RRM2: variants seen among roughly 807,000 people sequenced by gnomAD.
RRM2 encodes the protein ribonucleotide reductase regulatory subunit M2.
A neutral mutation model predicts 45.9 loss-of-function variants in RRM2; 6 were observed. The ratio of observed to expected loss-of-function variants is 0.13; its 90% CI spans 0.07 to 0.26. The LOEUF is 0.26. Among genes scored for constraint, RRM2 ranks in the 10% least tolerant of loss-of-function variants. The pLI is 1.00. For missense variants in RRM2, 343 were observed against 489.5 expected (o/e 0.70, Z 2.82); for synonymous variants, 177 against 173.0 (o/e 1.02, Z -0.18).
At chr2:10,201,684 G>A (rs1157169554) in intron 3 of RRM2, among the ~76,000 whole-genome samples, 1 of 152,220 alleles carries the variant, frequency 6.6e-6, no homozygotes, top group African/African-American at 2.4e-5. Flanking sequence ...CACAATTGAT[G>A]AGGAAATCTG....
chr2:10,177,045 AG>A (rs1663930395), intron 3 of RRM2, among the ~76,000 whole-genome samples: 2 of 152,180 alleles, frequency 1.3e-5, no homozygotes, highest in South Asian at 4.1e-4. Context: ...CAGGAGTTTG[AG>A]ACCAGCCTGA....
In RRM2 at chr2:10,131,102, C is replaced by T. The variant is rs766135373; in HGVS notation, c.*1716C>T. On this transcript the variant is annotated 3_prime_UTR_variant, in exon 10 of 10. Coordinates refer to ENST00000304567, the MANE Select transcript of RRM2 (RefSeq NM_001034.4). ...TTTTCTTCATCATTTATTGTATAGACAATTTTTAAATCTCTGTAATATGAT... is the reference window on the plus strand; with the variant it reads ...TTTTCTTCATCATTTATTGTATAGATAATTTTTAAATCTCTGTAATATGAT... The T allele has an allele frequency of 6.6e-6, 1 of 152,158 alleles. No individual in the cohort carries two copies. The highest frequency in any genetic ancestry group is 1.5e-5 in the Non-Finnish European group (1 of 68,020). 9.4% of individuals were successfully genotyped at this position (152,158 alleles called of 1,614,324 possible).
At chr2:10,142,646 A>AG (rs61189179) in intron 3 of RRM2, among the ~76,000 whole-genome samples, 151,825 of 151,826 alleles carry the variant, frequency 1, 75,912 homozygotes, top group Middle Eastern at 1. Context: ...GTATCCCTGC[A>AG]GGCTCAGGCC....
intron 3 of RRM2, among the ~76,000 whole-genome samples, chr2:10,153,193 G>A (rs939917362): frequency 1.3e-5 from 2 of 152,040 alleles, no homozygotes; most frequent in African/African-American, 4.8e-5. Flanking sequence ...TCAGCTGAGT[G>A]TGTGCTGGCG....
intron 3 of RRM2, among the ~76,000 whole-genome samples, chr2:10,191,836 T>C (rs1358992067): frequency 1.3e-5 from 2 of 152,140 alleles, no homozygotes; most frequent in African/African-American, 4.8e-5. Flanking sequence ...GCCCGGCTGC[T>C]GCGGAGGTAG....
At chr2:10,166,155 C>T (rs1298119883) in intron 3 of RRM2, among the ~76,000 whole-genome samples, 2 of 152,200 alleles carry the variant, frequency 1.3e-5, no homozygotes, top group East Asian at 3.9e-4. Flanking sequence ...CCAATAAAGC[C>T]TTGAAGACGA....
intron 3 of RRM2, among the ~76,000 whole-genome samples, chr2:10,206,321 G>T (rs1051837205): frequency 1.3e-5 from 2 of 150,570 alleles, no homozygotes; most frequent in African/African-American, 4.9e-5. Flanking sequence ...TTATGCACAA[G>T]AAATGAAAAG....
At chr2:10,210,495 G>A in exon 4 of RRM2, 1 of 1,367,828 alleles carries the variant, frequency 7.3e-7, no homozygotes, top group South Asian at 1.1e-5. Flanking sequence ...AGAATGCACA[G>A]AGGGCGCTGG....
chr2:10,191,785 G>A (rs1226941743), intron 3 of RRM2, among the ~76,000 whole-genome samples: 1 of 152,260 alleles, frequency 6.6e-6, no homozygotes, highest in East Asian at 1.9e-4. Flanking sequence ...AGAGGCTCCC[G>A]CTATCTCAGA....
intron 3 of RRM2, among the ~76,000 whole-genome samples, chr2:10,203,994 AGCT>A (rs1017605858): frequency 2.0e-5 from 3 of 151,930 alleles, no homozygotes; most frequent in African/African-American, 7.3e-5. Flanking sequence ...GGATCCCCAG[AGCT>A]GCTTGGTCCC....
intron 3 of RRM2, among the ~76,000 whole-genome samples, chr2:10,166,269 G>C (rs1227802273): frequency 2.0e-5 from 3 of 152,240 alleles, no homozygotes; most frequent in Non-Finnish European, 4.4e-5. Context: ...CTGAGTGCGG[G>C]AGAGTGAAGT....
intron 3 of RRM2, among the ~76,000 whole-genome samples, chr2:10,203,791 C>T (rs973312477): frequency 3.8e-5 from 5 of 131,638 alleles, no homozygotes; most frequent in Admixed American, 7.8e-5. Context: ...ATACATGTGA[C>T]GGTCTCCCAG....
chr2:10,132,802 CAAG>C (rs1481859458), downstream of RRM2, among the ~76,000 whole-genome samples: 2 of 152,204 alleles, frequency 1.3e-5, no homozygotes, highest in African/African-American at 2.4e-5. Context: ...AGCCAGGCGT[CAAG>C]AAGATGACCA....
intron 5 of RRM2, among the ~76,000 whole-genome samples, chr2:10,125,123 T>G (rs530508202): frequency 6.6e-6 from 1 of 152,354 alleles, no homozygotes; most frequent in African/African-American, 2.4e-5. Context: ...TAAGACAAAC[T>G]AAAACCTATG....
intron 3 of RRM2, among the ~76,000 whole-genome samples, chr2:10,202,761 T>G (rs1664591348): frequency 6.6e-6 from 1 of 152,162 alleles, no homozygotes; most frequent in Non-Finnish European, 1.5e-5. Flanking sequence ...TTAGGTGGTT[T>G]TTAATCAAGA....
chr2:10,131,506 A>G (rs1437567197), downstream of RRM2: 1 of 152,218 alleles, frequency 6.6e-6, no homozygotes, highest in Non-Finnish European at 1.5e-5. Flanking sequence ...TGGGAGACCA[A>G]GGTAGGCAGA....
intron 3 of RRM2, among the ~76,000 whole-genome samples, chr2:10,151,320 CAG>C (rs1663308479): frequency 1.5e-5 from 2 of 131,042 alleles, no homozygotes; most frequent in African/African-American, 2.9e-5. Flanking sequence ...TTTTTGTAGA[CAG>C]AGTCTTGCTC....
At chr2:10,208,324 G>A (rs563152438) in intron 3 of RRM2, among the ~76,000 whole-genome samples, 4 of 152,176 alleles carry the variant, frequency 2.6e-5, no homozygotes, top group Non-Finnish European at 5.9e-5. Flanking sequence ...ATTAAATACA[G>A]ATCAACAAGA....
At chr2:10,200,018 A>C (rs1001511122) in intron 3 of RRM2, among the ~76,000 whole-genome samples, 5 of 151,970 alleles carry the variant, frequency 3.3e-5, no homozygotes, top group Non-Finnish European at 7.4e-5. Context: ...TTTTTAGTGG[A>C]GATGGGGTCT....
Sources: allele counts gnomAD v4.1 joint callset (sites outside exome capture counted in the v4.1 genomes callset), GRCh38; gene constraint gnomAD v4.1.1; transcripts MANE v1.5; gene names NCBI Gene and HGNC (gene_info 2026-07-23, HGNC 2026-07-21).